FBN3: variants seen among roughly 807,000 people sequenced by gnomAD.
FBN3 encodes the protein fibrillin-3.
Under a neutral mutation model 330.1 loss-of-function variants are expected in FBN3, and 234 were observed. The observed-to-expected ratio is 0.71, with a 90% CI of 0.64 to 0.79. The LOEUF is 0.79. FBN3 is among the 30% of genes least tolerant of loss of function. The probability of loss-of-function intolerance (pLI) is 0.00; values close to 1 mark genes in which losing one functional copy is unlikely to be tolerated. For synonymous variants in FBN3, 1,458 were observed against 1,517.3 expected (o/e 0.96, Z 0.91); for missense variants, 3,606 against 3,886.9 (o/e 0.93, Z 1.92).
At chr19:8,099,094 C>T (rs907065707) in intron 41 of FBN3, among the ~76,000 whole-genome samples, 2 of 151,874 alleles carry the variant, frequency 1.3e-5, no homozygotes, top group African/African-American at 2.4e-5. Flanking sequence ...ACATCATTTA[C>T]GTAAAATGCC....
rs1247859101 is a variant in FBN3, at chr19:8,097,383, G to T, written c.5193C>A (p.Ile1731=). ...GGTTTATGCAGATGCCATTGGCACAGATGGCGGGGATCTCCCCACACTCAT... is the reference window on the plus strand; with the variant it reads ...GGTTTATGCAGATGCCATTGGCACATATGGCGGGGATCTCCCCACACTCAT... The part of the protein sequence containing the change: ...DIDECGEIPA[I]CANGICINQI... Residue 1731 remains isoleucine, a synonymous_variant, in exon 42 of 64, where the codon ATC becomes ATA. Coordinates refer to ENST00000600128, the MANE Select transcript of FBN3 (RefSeq NM_032447.5). 1.2e-6 allele frequency: 2 copies of T among 1,604,860 alleles called. No homozygotes were observed. Among genetic ancestry groups the T allele is most frequent in the East Asian group, 4.5e-5 (2 of 44,570 alleles).
In FBN3 at chr19:8,131,717, G is replaced by A. The variant is rs779380293; in HGVS notation, c.1827C>T (p.Arg609=). 18 of 1,613,786 alleles carry A rather than the reference G, an allele frequency of 1.1e-5. No individual in the cohort carries two copies. The highest frequency in any genetic ancestry group is 3.3e-5 in the Admixed American group (2 of 59,976). The change falls in exon 15 of 64, where the codon CGC becomes CGT. Residue 609 remains arginine (R), a synonymous_variant. Coordinates refer to ENST00000600128, the MANE Select transcript of FBN3 (RefSeq NM_032447.5). The surrounding 1 kb of genome is among the most constrained non-coding windows in gnomAD (Gnocchi z 4.5). The part of the protein sequence containing the change: ...LGGLAVGTDG[R]VCVDTHVRST... ...TGCGCACGTGGGTGTCCACGCACAC[G>A]CGGCCATCCGTGCCTACCGCCAGCC...
chr19:8,144,932 A>G lies in FBN3; in HGVS notation c.486T>C (p.Ile162=). Residue 162 remains isoleucine, a synonymous_variant, in exon 6 of 64, where the codon ATT becomes ATC. Transcript: ENST00000600128. ...DRGCHNGGRC[I]GPNRCACVYG... ...ACACACAGGCGCAGCGGTTGGGCCC[A>G]ATGCAGCGACCCCCATTGTGGCAGC... 6.2e-7 allele frequency: 1 copy of G among 1,612,472 alleles called. No individual in the cohort carries two copies. Among genetic ancestry groups the G allele is most frequent in the Non-Finnish European group, 8.5e-7 (1 of 1,179,746 alleles).
At chr19:8,090,483 G>A (rs1599313694) in intron 48 of FBN3, among the ~76,000 whole-genome samples, 1 of 82,324 alleles carries the variant, frequency 1.2e-5, no homozygotes, top group East Asian at 2.5e-4. Flanking sequence ...TGGTGGTGGT[G>A]GTGGTTTTTT....
chr19:8,118,243 C>T (rs550159205), intron 26 of FBN3, among the ~76,000 whole-genome samples: 1 of 152,226 alleles, frequency 6.6e-6, no homozygotes, highest in Admixed American at 6.5e-5. Context: ...GCATTTGCAT[C>T]CAACTACACA....
Position 8,081,402 on chromosome 19 carries a change from C to T in FBN3, c.7292G>A (p.Cys2431Tyr). Reference protein sequence around the residue: ...KNTKGSFLCSCPRGYLLEEDG... With the variant: ...KNTKGSFLCSYPRGYLLEEDG... ...CTCCTCCAGCAGGTAGCCTCGGGGACAGCTGCACAGGAAACTGCCCTTCGT... is the reference window on the plus strand; with the variant it reads ...CTCCTCCAGCAGGTAGCCTCGGGGATAGCTGCACAGGAAACTGCCCTTCGT... The change falls in exon 58 of 64, where the codon TGT (cysteine) becomes TAT (tyrosine). Residue 2431 changes from cysteine to tyrosine, a missense_variant. By Grantham distance (194) the Cys-to-Tyr change is radical. Coordinates refer to ENST00000600128, the MANE Select transcript of FBN3 (RefSeq NM_032447.5). 6.2e-7 allele frequency: 1 copy of T among 1,612,286 alleles called. No homozygotes were observed. Among genetic ancestry groups the T allele is most frequent in the East Asian group, 2.2e-5 (1 of 44,866 alleles).
At position 8,142,069 on chromosome 19, in the gene FBN3, C is replaced by A. The variant is rs368250064; in HGVS notation, c.610G>T (p.Val204Leu). 1 of 1,613,956 alleles carries A rather than the reference C, an allele frequency of 6.2e-7. No homozygotes were observed. The highest frequency in any genetic ancestry group is 1.3e-5 in the African/African-American group (1 of 75,066). The stretch of plus-strand genomic sequence containing the variant: ...GCACAGCAAAGTGCCTTGGTGCACA[C>A]GAGGCCCGTCAGCTGATGCTGGCAC... Reference protein sequence around the residue: ...EGCQHQLTGLVCTKALCCATV... With the variant: ...EGCQHQLTGLLCTKALCCATV... The change falls in exon 7 of 64, where the codon GTG (valine) becomes TTG (leucine). Residue 204 changes from valine (V) to leucine (L), a missense_variant. Physicochemically the swap from Val to Leu is conservative, Grantham distance 32 (BLOSUM62 1). Coordinates refer to ENST00000600128, the MANE Select transcript of FBN3 (RefSeq NM_032447.5).
In FBN3 at chr19:8,146,240, C is replaced by T. The variant is rs759200276; in HGVS notation, c.251-15G>A. 92 of 1,576,586 alleles carry T rather than the reference C, an allele frequency of 5.8e-5. No homozygotes were observed. The highest frequency in any genetic ancestry group is 6.7e-5 in the Non-Finnish European group (78 of 1,162,250). ...CCTACAGATGGCTGGATGAGTGCAG[C>T]GGGTGGCAGTCAAGACCAGGACCGA... On this transcript the variant is annotated splice_polypyrimidine_tract_variant and intron_variant, in intron 3 of 63. Transcript: ENST00000600128.
rs539343252 is a variant in FBN3 at position 8,119,873 on chromosome 19, T to A, written c.3212-851A>T. Among the ~76,000 whole-genome samples the A allele has an allele frequency of 2.2e-3, 294 of 134,404 alleles. 1 individual carries two copies. The highest frequency in any genetic ancestry group is 7.0e-3 in the South Asian group (28 of 3,998). 88.2% of individuals were successfully genotyped at this position (134,404 alleles called of 152,430 possible). ...TTTCACACTGTTACCCAGCCTGGAG[T>A]GCAGTGACACGATCACAGCTCCCTG... is the stretch of plus-strand genomic sequence containing the variant. On this transcript the variant is annotated intron_variant, in intron 25 of 63. Transcript: ENST00000600128.
intron 18 of FBN3, among the ~76,000 whole-genome samples, chr19:8,128,137 A>G (rs2083039249): frequency 6.6e-6 from 1 of 152,256 alleles, no homozygotes; most frequent in Non-Finnish European, 1.5e-5. Context: ...GCCAGCACAC[A>G]GATATGTCCA....
At chr19:8,114,436 ACGGG>A (rs1426365913) in intron 30 of FBN3, among the ~76,000 whole-genome samples, 1 of 152,046 alleles carries the variant, frequency 6.6e-6, no homozygotes, top group East Asian at 1.9e-4. Context: ...TTTAGTAGTG[ACGGG>A]GTTTCACCAT....
At position 8,086,886 on chromosome 19, in the gene FBN3, T is replaced by TC. The variant is rs755216661; in HGVS notation, c.6754+190dup. Among the ~76,000 whole-genome samples the TC allele has an allele frequency of 1.7e-4, 26 of 149,908 alleles. No homozygotes were observed. The East Asian group carries it at 2.3e-3, about 14-fold the overall frequency. On this transcript the variant is annotated intron_variant, in intron 54 of 63. Coordinates refer to ENST00000600128, the MANE Select transcript of FBN3 (RefSeq NM_032447.5). ...CACTACCTGTCCCTCCCACTGCCTG[T>TC]CCCCCCCCACTGCCTGTCCCTCCCA... is the stretch of plus-strand genomic sequence containing the variant.
At position 8,073,147 on chromosome 19, in the gene FBN3, C is replaced by T. The variant is rs1403616038; in HGVS notation, c.7853G>A (p.Arg2618His). The T allele has an allele frequency of 1.6e-5, 26 of 1,613,728 alleles. No individual in the cohort carries two copies. Among genetic ancestry groups the T allele is most frequent in the East Asian group, 8.9e-5 (4 of 44,882 alleles). Residue 2618 changes from arginine (R) to histidine (H), a missense_variant, in exon 62 of 64, where the codon CGT becomes CAT. Physicochemically the swap from Arg to His is conservative, Grantham distance 29 (BLOSUM62 0). Coordinates refer to ENST00000600128, the MANE Select transcript of FBN3 (RefSeq NM_032447.5). ...GGCACAGCTGTAGCTACAGGGGCCA[C>T]GCCGTCCGGCGCACTCATCCACCTC... ...CQEVDECAGR[R>H]GPCSYSCANT...
Position 8,126,833 on chromosome 19 carries a change from C to T in FBN3, c.2297-1G>A. 1 of 1,548,710 alleles carries T rather than the reference C, an allele frequency of 6.5e-7. No individual in the cohort carries two copies. On this transcript the variant is annotated splice_acceptor_variant, in intron 18 of 63. Coordinates refer to ENST00000600128, the MANE Select transcript of FBN3 (RefSeq NM_032447.5). LOFTEE classifies it high-confidence loss of function. ...GGGCTGGACAGGCATTCGTCGACATCTGTGGGGACAGCCCCCCACCAGGTC... is the reference window on the plus strand; with the variant it reads ...GGGCTGGACAGGCATTCGTCGACATTTGTGGGGACAGCCCCCCACCAGGTC...
intron 13 of FBN3, 25 bp downstream of exon 13, chr19:8,135,936 G>GGGGGGGGGGGGGGCCCCCCCCCCCCC: frequency 4.0e-5 from 27 of 668,638 alleles, no homozygotes; most frequent in East Asian, 1.6e-4. Flanking sequence ...GGAAGCCCCT[G>GGGGGGGGGGGGGGCCCCCCCCCCCCC]CCCACCCGCC....
In FBN3 at chr19:8,097,331, G is replaced by A. The variant is rs756409647; in HGVS notation, c.5245C>T (p.Pro1749Ser). 1.9e-6 allele frequency: 3 copies of A among 1,610,246 alleles called. No homozygotes were observed. Among genetic ancestry groups the A allele is most frequent in the East Asian group, 2.2e-5 (1 of 44,728 alleles). Residue 1749 changes from proline to serine, a missense_variant, in exon 42 of 64, where the codon CCC (proline) becomes TCC (serine). By Grantham distance (74) the Pro-to-Ser change is moderately conservative (BLOSUM62 -1). Transcript: ENST00000600128. ...NQIGSFRCEC[P>S]AGFNYNSILL... Reference sequence around the variant, plus strand: ...ATGCTGTTGTAGTTGAAGCCTGCGGGGCACTCGCAGCGGAAACTCCCGATC... The same window carrying A: ...ATGCTGTTGTAGTTGAAGCCTGCGGAGCACTCGCAGCGGAAACTCCCGATC...
At chr19:8,137,717 C>T (rs2061775) in intron 10 of FBN3, among the ~76,000 whole-genome samples, 47,078 of 151,854 alleles carry the variant, frequency 0.31, 7,957 homozygotes, top group African/African-American at 0.43. Context: ...CAGCTTCCAA[C>T]TCCTGGGCTC....
rs1200648017 is a variant in FBN3, at chr19:8,093,431, G to A, written c.5905+1015C>T. Among the ~76,000 whole-genome samples the A allele has an allele frequency of 2.0e-5, 3 of 151,986 alleles. No homozygotes were observed. In the East Asian group the frequency reaches 5.9e-4, roughly 30 times the overall value. On this transcript the variant is annotated intron_variant, in intron 47 of 63. Coordinates refer to ENST00000600128, the MANE Select transcript of FBN3 (RefSeq NM_032447.5). ...GAGGTCAGGAGATCGAGAGCATCCT[G>A]GCTAACATGGTGAAACCCCGTCTCT...
At chr19:8,110,736 C>T in intron 34 of FBN3, 109 bp downstream of exon 34, 4 of 1,444,584 alleles carry the variant, frequency 2.8e-6, no homozygotes, top group Non-Finnish European at 2.9e-6. Context: ...AGCAAGACTG[C>T]AGGGGAGGAT....
Sources: allele counts gnomAD v4.1 joint callset (sites outside exome capture counted in the v4.1 genomes callset), GRCh38; gene constraint gnomAD v4.1.1; non-coding constraint Gnocchi (gnomAD v3.1); transcripts MANE v1.5; gene names NCBI Gene and HGNC (gene_info 2026-07-23, HGNC 2026-07-21).